SHC4: variants seen among roughly 807,000 people sequenced by gnomAD.
SHC4 encodes the protein SHC adaptor protein 4.
SHC4 carries 41 observed loss-of-function variants against 69.4 expected under a neutral mutation model. The observed-to-expected ratio is 0.59, with a 90% CI of 0.46 to 0.77. The LOEUF is 0.77. SHC4 is among the 30% of genes least tolerant of loss of function. The pLI is 0.00. For synonymous variants in SHC4, 318 were observed against 299.3 expected, an observed-to-expected ratio of 1.06 and a Z score of -0.64; for missense variants, 777 against 783.8, an observed-to-expected ratio of 0.99 and a Z score of 0.10.
intron 4 of SHC4, chr15:48,879,667 T>C (rs1035602702): frequency 9.6e-5 from 16 of 167,218 alleles, no homozygotes; most frequent in Admixed American, 8.5e-4. Flanking sequence ...TGAACAGTTA[T>C]TCTATCAACT....
chr15:48,840,242 G>A (rs766251840), intron 10 of SHC4, among the ~76,000 whole-genome samples: 37 of 152,164 alleles, frequency 2.4e-4, no homozygotes, highest in Non-Finnish European at 4.1e-4. Flanking sequence ...AGCATTTGGC[G>A]GGGTGGCGGG....
rs1899032193 is a variant in SHC4 at position 48,843,551 on chromosome 15, A to G, written c.1341T>C (p.Asp447=). The G allele has an allele frequency of 1.9e-6, 3 of 1,614,092 alleles. No homozygotes were observed. The highest frequency in any genetic ancestry group is 2.5e-6 in the Non-Finnish European group (3 of 1,180,026). Residue 447 remains aspartate, a synonymous_variant, in exon 10 of 12, where the codon GAT becomes GAC. Coordinates refer to ENST00000332408, the MANE Select transcript of SHC4 (RefSeq NM_203349.4). ...GGCACGTGTGCTTCAATAATGAGGT[A>G]TCTCGCTGGGACTGCACCCCTCTTG... The part of the protein sequence containing the change: ...VHPRGVQSQR[D]TSLLKHTCRV...
chr15:48,916,783 T>C (rs1415053314), intron 2 of SHC4, among the ~76,000 whole-genome samples: 1 of 152,114 alleles, frequency 6.6e-6, no homozygotes, highest in Non-Finnish European at 1.5e-5. Flanking sequence ...AGCCACTGCT[T>C]CTTAGTTGCC....
intron 6 of SHC4, among the ~76,000 whole-genome samples, chr15:48,864,098 T>G (rs922202836): frequency 2.0e-5 from 3 of 152,198 alleles, no homozygotes; most frequent in Non-Finnish European, 4.4e-5. Context: ...TTATGAGAAT[T>G]TCTGTTTCTT....
At chr15:48,873,965 T>C (rs1372232309) in intron 4 of SHC4, among the ~76,000 whole-genome samples, 1 of 152,206 alleles carries the variant, frequency 6.6e-6, no homozygotes, top group African/African-American at 2.4e-5. Context: ...GATTAATTTA[T>C]AAATTCCATG....
At position 48,956,498 on chromosome 15, in the gene SHC4, C is replaced by T. The variant is rs531879115; in HGVS notation, c.585+5933G>A. On this transcript the variant is annotated intron_variant, in intron 1 of 11. Transcript: ENST00000332408. ...CAGTCCTCCTGTTGGACACCAAGTC[C>T]AGTCAGACCTAGCTGGCCAGACACA... 3.3e-5 allele frequency among the ~76,000 whole-genome samples: 5 copies of T among 152,280 alleles called. No homozygotes were observed. The South Asian group carries it at 1.0e-3, about 32-fold the overall frequency.
At chr15:48,957,995 T>A (rs12907355) in intron 1 of SHC4, among the ~76,000 whole-genome samples, 2 of 152,030 alleles carry the variant, frequency 1.3e-5, no homozygotes, top group East Asian at 1.9e-4. Flanking sequence ...CTAAGATTCC[T>A]CCCCTAGAGC....
intron 1 of SHC4, among the ~76,000 whole-genome samples, chr15:48,949,086 G>C (rs1364649945): frequency 2.0e-5 from 3 of 151,814 alleles, no homozygotes; most frequent in Non-Finnish European, 4.4e-5. Flanking sequence ...ACCTTAGGCA[G>C]GCTGGCCAGG....
intron 8 of SHC4, among the ~76,000 whole-genome samples, chr15:48,854,814 C>T (rs56707488): frequency 0.042 from 6,409 of 152,112 alleles, 276 homozygotes; most frequent in East Asian, 0.22. Flanking sequence ...CTGGCGACCA[C>T]TAAAAGGAGG....
At chr15:48,831,012 T>C (rs77382181) in intron 11 of SHC4, among the ~76,000 whole-genome samples, 2,347 of 152,244 alleles carry the variant, frequency 0.015, 33 homozygotes, top group African/African-American at 0.051. Context: ...AATGTCTGTG[T>C]TTCTGTCTCT....
chr15:48,928,033 G>C (rs1440175301), intron 1 of SHC4, among the ~76,000 whole-genome samples: 1 of 152,114 alleles, frequency 6.6e-6, no homozygotes, highest in African/African-American at 2.4e-5. Flanking sequence ...AGCATCTTTT[G>C]TTCAATTCTA....
chr15:48,876,730 A>AT, intron 4 of SHC4: 2 of 498,986 alleles, frequency 4.0e-6, no homozygotes, highest in Non-Finnish European at 7.3e-6. Context: ...GCCTGCTTAT[A>AT]TTCTAGCCAA....
At position 48,824,128 on chromosome 15, in the gene SHC4, G is replaced by A. The variant is rs936163171; in HGVS notation, c.*1843C>T. ...ATACTCATGCTGATCCCCTTTTTAA[G>A]GACAAACGATCAAGACCTAAGGTAT... On this transcript the variant is annotated 3_prime_UTR_variant, in exon 12 of 12. Coordinates refer to ENST00000332408, the MANE Select transcript of SHC4 (RefSeq NM_203349.4). 6.6e-6 allele frequency: 1 copy of A among 152,024 alleles called. No individual in the cohort carries two copies. Among genetic ancestry groups the A allele is most frequent in the Non-Finnish European group, 1.5e-5 (1 of 68,000 alleles). 9.4% of individuals were successfully genotyped at this position (152,024 alleles called of 1,614,324 possible).
At chr15:48,889,817 C>A (rs983149449) in intron 3 of SHC4, among the ~76,000 whole-genome samples, 1 of 152,198 alleles carries the variant, frequency 6.6e-6, no homozygotes, top group Non-Finnish European at 1.5e-5. Context: ...GCACTCCAAC[C>A]TGGGCAACAG....
At chr15:48,892,150 C>T (rs997165580) in intron 2 of SHC4, among the ~76,000 whole-genome samples, 1 of 151,916 alleles carries the variant, frequency 6.6e-6, no homozygotes, top group Admixed American at 6.5e-5. Flanking sequence ...CCACCGCGCC[C>T]GGCCATGCAG....
At chr15:48,903,545 C>A (rs1049740866) in intron 2 of SHC4, among the ~76,000 whole-genome samples, 1 of 152,116 alleles carries the variant, frequency 6.6e-6, no homozygotes, top group African/African-American at 2.4e-5. Flanking sequence ...TGGGGAACCA[C>A]CTGCTCAAAA....
At chr15:48,881,681 G>A (rs1470798273) in intron 4 of SHC4, among the ~76,000 whole-genome samples, 1 of 152,202 alleles carries the variant, frequency 6.6e-6, no homozygotes, top group African/African-American at 2.4e-5. Context: ...ATTAGTGGGA[G>A]TGTGAGCAAC....
chr15:48,928,597 G>A (rs1298107127), intron 1 of SHC4, among the ~76,000 whole-genome samples: 2 of 152,168 alleles, frequency 1.3e-5, no homozygotes, highest in Non-Finnish European at 2.9e-5. Flanking sequence ...TCAATGAGGA[G>A]AGGAATTTTT....
At chr15:48,906,350 C>CA (rs1171582607) in intron 2 of SHC4, among the ~76,000 whole-genome samples, 1 of 152,108 alleles carries the variant, frequency 6.6e-6, no homozygotes, top group East Asian at 1.9e-4. Context: ...GATCTAATGT[C>CA]TTCTTTTCCT....
Sources: allele counts gnomAD v4.1 joint callset (sites outside exome capture counted in the v4.1 genomes callset), GRCh38; gene constraint gnomAD v4.1.1; transcripts MANE v1.5; gene names NCBI Gene and HGNC (gene_info 2026-07-23, HGNC 2026-07-21).